PCDHA1: variants seen among roughly 807,000 people sequenced by gnomAD.
PCDHA1 encodes the protein protocadherin alpha-1.
PCDHA1 carries 42 observed loss-of-function variants against 61.3 expected under a neutral mutation model. That is an observed-to-expected ratio of 0.69 (90% CI 0.54 to 0.89). The LOEUF (loss-of-function observed/expected upper bound fraction) is 0.89, where lower values mean the gene tolerates loss of function less well. PCDHA1 is among the 40% of genes least tolerant of loss of function. The pLI is 0.00. For synonymous variants in PCDHA1, 610 were observed against 553.8 expected (o/e 1.10, Z -1.43); for missense variants, 1,256 against 1,235.3 (o/e 1.02, Z -0.25).
chr5:140,835,652 G>A, intron 1 of PCDHA1: 1 of 1,613,954 alleles, frequency 6.2e-7, no homozygotes, highest in African/African-American at 1.3e-5. Flanking sequence ...CCTATGAGCT[G>A]GTGGTTACCG....
Position 140,971,633 on chromosome 5 carries a change from T to A in PCDHA1, c.2395-7316T>A, listed in dbSNP as rs540754440. 2.0e-5 allele frequency among the ~76,000 whole-genome samples: 3 copies of A among 152,294 alleles called. No individual in the cohort carries two copies. The South Asian group carries it at 6.2e-4, about 32-fold the overall frequency. On this transcript the variant is annotated intron_variant, in intron 1 of 3. Transcript: ENST00000504120. ...GAGTCCTGGGGTACAATTAGTACCA[T>A]GTGCCTACATTAAAAGTAGATGGGA...
chr5:140,876,148 G>A, intron 1 of PCDHA1: 1 of 1,613,954 alleles, frequency 6.2e-7, no homozygotes, highest in East Asian at 2.2e-5. Context: ...AACAGGGTCT[G>A]TCCAGATTCA....
In PCDHA1 at chr5:140,795,178, G is replaced by A. The variant is rs200571163; in HGVS notation, c.2394+6494G>A. 4.3e-6 allele frequency: 7 copies of A among 1,613,966 alleles called. No individual in the cohort carries two copies. Among genetic ancestry groups the A allele is most frequent in the African/African-American group, 1.3e-5 (1 of 74,934 alleles). On this transcript the variant is annotated intron_variant, in intron 1 of 3. Coordinates refer to ENST00000504120, the MANE Select transcript of PCDHA1 (RefSeq NM_018900.4). ...GTTCCGGGTGGCGTCCAAAAGACAC[G>A]GGGACCTTCTGGAGGTAAATCTGCA...
intron 1 of PCDHA1, among the ~76,000 whole-genome samples, chr5:140,924,894 CAAAA>C (rs782133089): frequency 1.1e-4 from 8 of 71,470 alleles, no homozygotes; most frequent in African/African-American, 3.4e-4. Flanking sequence ...GAACCTGTCT[CAAAA>C]AAAAAAATAA....
At chr5:140,921,437 G>A (rs2080219286) in intron 1 of PCDHA1, among the ~76,000 whole-genome samples, 1 of 151,992 alleles carries the variant, frequency 6.6e-6, no homozygotes, top group South Asian at 2.1e-4. Context: ...TTTCTTCAAT[G>A]GTGTCTGAAA....
chr5:140,928,570 C>A (rs2085340367), intron 1 of PCDHA1: 1 of 1,614,196 alleles, frequency 6.2e-7, no homozygotes, highest in South Asian at 1.1e-5. Flanking sequence ...GTTTCCCTTG[C>A]CCAGAAATGG....
In PCDHA1 at chr5:141,010,237, G is replaced by C; in HGVS notation, c.*300G>C. 2.6e-6 allele frequency: 4 copies of C among 1,551,914 alleles called. No individual in the cohort carries two copies. The highest frequency in any genetic ancestry group is 3.5e-6 in the Non-Finnish European group (4 of 1,147,042). On this transcript the variant is annotated 3_prime_UTR_variant, in exon 4 of 4. Coordinates refer to ENST00000504120, the MANE Select transcript of PCDHA1 (RefSeq NM_018900.4). ...AGAGGCTTCCCAGCCCCGCCAGTGA[G>C]AGGTTGGACTCTCTGCCCTGTGCTC...
chr5:140,823,877 T>C (rs1554129642), intron 1 of PCDHA1: 1 of 1,613,762 alleles, frequency 6.2e-7, no homozygotes, highest in African/African-American at 1.3e-5. Context: ...TACCTGATCA[T>C]CGCCATCTGT....
chr5:140,805,003 GT>G, intron 1 of PCDHA1: 10 of 1,537,014 alleles, frequency 6.5e-6, no homozygotes, highest in Non-Finnish European at 8.7e-6. Flanking sequence ...TAAAAATTTA[GT>G]TCTGTTATCA....
At chr5:140,940,987 T>A (rs1239979893) in intron 1 of PCDHA1, among the ~76,000 whole-genome samples, 2 of 152,190 alleles carry the variant, frequency 1.3e-5, no homozygotes, top group African/African-American at 4.8e-5. Flanking sequence ...TAGTTACAAG[T>A]TTATAGGATT....
intron 1 of PCDHA1, chr5:140,871,583 T>C (rs782012993): frequency 2.0e-6 from 3 of 1,468,262 alleles, no homozygotes; most frequent in Non-Finnish European, 9.0e-7. Flanking sequence ...TAAGGGAAAG[T>C]TTTATGAATA....
Position 140,786,620 on chromosome 5 carries a change from C to G in PCDHA1, c.330C>G (p.Ala110=), listed in dbSNP as rs537642817. ...AECSIHLELI[A]DRPLQVFHVE... is the part of the protein sequence containing the mutation. ...GCAGCATCCACCTGGAGTTGATCGC[C>G]GACAGGCCGCTGCAGGTTTTCCATG... Residue 110 remains alanine, a synonymous_variant, in exon 1 of 4, where the codon GCC becomes GCG. Coordinates refer to ENST00000504120, the MANE Select transcript of PCDHA1 (RefSeq NM_018900.4). 33 of 1,614,222 alleles carry G rather than the reference C, an allele frequency of 2.0e-5. No individual in the cohort carries two copies. The African/African-American group carries it at 3.6e-4, about 18-fold the overall frequency.
chr5:140,848,619 G>T lies in PCDHA1; in HGVS notation c.2394+59935G>T, dbSNP rs545024019. The T allele has an allele frequency of 8.2e-6, 13 of 1,593,396 alleles. No homozygotes were observed. The highest frequency in any genetic ancestry group is 5.4e-5 in the African/African-American group (4 of 74,388). On this transcript the variant is annotated intron_variant, in intron 1 of 3. Coordinates refer to ENST00000504120, the MANE Select transcript of PCDHA1 (RefSeq NM_018900.4). ...CTCCGTCCCGGAGGAAGCCGAACAC[G>T]GCACCTTCGTGGGCCGCATCGCGCA...
chr5:140,928,168 A>T, intron 1 of PCDHA1: 3 of 1,614,174 alleles, frequency 1.9e-6, no homozygotes, highest in Non-Finnish European at 2.5e-6. Flanking sequence ...ACCCCCACTT[A>T]GCACCCGAAG....
chr5:140,822,225 G>C, intron 1 of PCDHA1: 1 of 1,614,254 alleles, frequency 6.2e-7, no homozygotes, highest in Non-Finnish European at 8.5e-7. Context: ...CAGATTCGCG[G>C]TTTCCGCTAG....
intron 1 of PCDHA1, chr5:140,877,139 T>C (rs781891057): frequency 8.7e-6 from 14 of 1,613,764 alleles, no homozygotes; most frequent in Admixed American, 1.7e-5. Context: ...GTGTTCGTGC[T>C]GGACGAGAAC....
chr5:140,868,957 A>G (rs2050760003), intron 1 of PCDHA1: 2 of 1,389,232 alleles, frequency 1.4e-6, no homozygotes, highest in East Asian at 2.3e-5. Context: ...AGGCACTCCC[A>G]TACAAAGGAA....
intron 1 of PCDHA1, among the ~76,000 whole-genome samples, chr5:140,874,292 G>C (rs1554167129): frequency 2.0e-5 from 3 of 152,146 alleles, no homozygotes; most frequent in Non-Finnish European, 4.4e-5. Context: ...AAATCTATGT[G>C]TACTTGTTCA....
At chr5:140,883,128 C>G (rs782352091) in intron 1 of PCDHA1, 1 of 1,614,060 alleles carries the variant, frequency 6.2e-7, no homozygotes, top group Non-Finnish European at 8.5e-7. Flanking sequence ...CCTGTATGGC[C>G]TGCAGTGGTA....
Sources: allele counts gnomAD v4.1 joint callset (sites outside exome capture counted in the v4.1 genomes callset), GRCh38; gene constraint gnomAD v4.1.1; transcripts MANE v1.5; gene names NCBI Gene and HGNC (gene_info 2026-07-23, HGNC 2026-07-21).